Variants in NTM observed in about 807,000 individuals in gnomAD.
NTM encodes neurotrimin.
Under a neutral mutation model 42.1 loss-of-function variants are expected in NTM, and 13 were observed. That is an observed-to-expected ratio of 0.31 (90% CI 0.20 to 0.49). The LOEUF (loss-of-function observed/expected upper bound fraction) is 0.49, where lower values mean the gene tolerates loss of function less well. Among genes scored for constraint, NTM ranks in the 20% least tolerant of loss-of-function variants. The pLI, the probability that NTM is intolerant of heterozygous loss-of-function variation, is 0.99. For synonymous variants in NTM, 187 were observed against 179.2 expected, an observed-to-expected ratio of 1.04 and a Z score of -0.35; for missense variants, 373 against 452.8, an observed-to-expected ratio of 0.82 and a Z score of 1.60.
intron 1 of NTM, among the ~76,000 whole-genome samples, chr11:131,432,013 T>A (rs1948695127): frequency 6.6e-6 from 1 of 151,810 alleles, no homozygotes; most frequent in Non-Finnish European, 1.5e-5. Context: ...ATTTGATGAA[T>A]GAAAACAATA....
At chr11:132,310,860 A>G (rs574273892) in intron 6 of NTM, among the ~76,000 whole-genome samples, 1 of 152,208 alleles carries the variant, frequency 6.6e-6, no homozygotes, top group Non-Finnish European at 1.5e-5. Context: ...ATCAAATGAC[A>G]TATCAGTGCA....
At chr11:132,194,193 A>T (rs1592142324) in intron 3 of NTM, among the ~76,000 whole-genome samples, 1 of 152,304 alleles carries the variant, frequency 6.6e-6, no homozygotes, top group East Asian at 1.9e-4. Context: ...ATTATCCATG[A>T]TGAACATAGG....
At chr11:131,456,709 G>A (rs570711818) in intron 1 of NTM, among the ~76,000 whole-genome samples, 8 of 152,332 alleles carry the variant, frequency 5.3e-5, no homozygotes, top group African/African-American at 1.7e-4. Context: ...AGAAAATCCT[G>A]TCTACTCGTA....
intron 4 of NTM, among the ~76,000 whole-genome samples, chr11:132,304,803 T>A (rs1418986008): frequency 6.6e-6 from 1 of 152,198 alleles, no homozygotes; most frequent in African/African-American, 2.4e-5. Flanking sequence ...AGTGTACATG[T>A]AATAACTGGT....
At chr11:131,794,786 A>T in intron 1 of NTM, 1 of 985,434 alleles carries the variant, frequency 1.0e-6, no homozygotes, top group Non-Finnish European at 1.2e-6. Context: ...AAAAGCATTC[A>T]TGTACTTTGG....
chr11:131,409,234 G>A (rs566155614), intron 1 of NTM, among the ~76,000 whole-genome samples: 7 of 152,348 alleles, frequency 4.6e-5, no homozygotes, highest in Admixed American at 4.6e-4. Flanking sequence ...TCAAACACTT[G>A]TTTGAGAAGC....
chr11:131,955,469 T>G lies in NTM; in HGVS notation c.167+43821T>G, dbSNP rs1379803469. Reference sequence around the variant, plus strand: ...AGCGAGAAAATGATGCCTCTTCAAGTGTGTTTTTAAAAGAGTTTAAAATGT... The same window carrying G: ...AGCGAGAAAATGATGCCTCTTCAAGGGTGTTTTTAAAAGAGTTTAAAATGT... On this transcript the variant is annotated intron_variant, in intron 2 of 8. Coordinates refer to ENST00000683400, the MANE Select transcript of NTM (RefSeq NM_001352005.2). Among the ~76,000 whole-genome samples the G allele has an allele frequency of 2.6e-5, 4 of 152,104 alleles. No individual in the cohort carries two copies. In the East Asian group the frequency reaches 7.7e-4, roughly 29 times the overall value.
intron 2 of NTM, among the ~76,000 whole-genome samples, chr11:132,076,781 A>T (rs1032051237): frequency 1.2e-4 from 19 of 152,224 alleles, no homozygotes; most frequent in African/African-American, 4.6e-4. Context: ...ATAGGGCTAC[A>T]TTGAAGATCA....
chr11:131,866,613 G>T lies in NTM; in HGVS notation c.83-44951G>T, dbSNP rs79065452. ...ATCTATATGGACTAAAAATACCTGC[G>T]CCCTCCATGGCGCCCAAGACTGCTG... On this transcript the variant is annotated intron_variant, in intron 1 of 8. Transcript: ENST00000683400. 2.0e-4 allele frequency among the ~76,000 whole-genome samples: 30 copies of T among 152,316 alleles called. No homozygotes were observed. The East Asian group carries it at 5.6e-3, about 28-fold the overall frequency.
At chr11:131,606,447 C>T (rs1468264807) in intron 1 of NTM, among the ~76,000 whole-genome samples, 2 of 152,158 alleles carry the variant, frequency 1.3e-5, no homozygotes, top group Non-Finnish European at 2.9e-5. Context: ...TAAATAAGTG[C>T]ATTATTGATG....
intron 1 of NTM, among the ~76,000 whole-genome samples, chr11:131,429,709 G>T (rs1056152122): frequency 2.0e-5 from 3 of 152,118 alleles, no homozygotes; most frequent in Non-Finnish European, 4.4e-5. Flanking sequence ...AAATGGTAAA[G>T]AATGCATTTT....
intron 1 of NTM, among the ~76,000 whole-genome samples, chr11:131,451,944 CA>C (rs981161258): frequency 3.9e-5 from 6 of 152,148 alleles, no homozygotes; most frequent in African/African-American, 1.4e-4. Context: ...AGAGCCTGGC[CA>C]CCTCCAGTAG....
At chr11:131,785,172 C>A (rs2088917039) in intron 1 of NTM, among the ~76,000 whole-genome samples, 1 of 152,168 alleles carries the variant, frequency 6.6e-6, no homozygotes, top group Non-Finnish European at 1.5e-5. Flanking sequence ...ATCAGTCTTG[C>A]TGAAGCTGAC....
intron 1 of NTM, among the ~76,000 whole-genome samples, chr11:131,852,692 T>C (rs1592281089): frequency 2.0e-5 from 3 of 152,258 alleles, no homozygotes; most frequent in East Asian, 1.9e-4. Context: ...CTTTGAAGTA[T>C]ACCTAGGAAG....
intron 1 of NTM, among the ~76,000 whole-genome samples, chr11:131,704,198 C>T (rs1024190554): frequency 6.6e-6 from 1 of 152,208 alleles, no homozygotes; most frequent in Non-Finnish European, 1.5e-5. Flanking sequence ...GACCCAGTCT[C>T]CAGGCCCATA....
intron 2 of NTM, among the ~76,000 whole-genome samples, chr11:132,012,927 G>T (rs182036958): frequency 1.3e-5 from 2 of 152,220 alleles, no homozygotes; most frequent in Admixed American, 1.3e-4. Flanking sequence ...GAAGATTAGG[G>T]AATGTAGAGG....
chr11:132,060,574 G>A (rs975362403), intron 2 of NTM, among the ~76,000 whole-genome samples: 1 of 152,138 alleles, frequency 6.6e-6, no homozygotes, highest in East Asian at 1.9e-4. Context: ...GAAATATGGA[G>A]CCATGCAAAA....
intron 1 of NTM, among the ~76,000 whole-genome samples, chr11:131,698,595 T>A (rs898584512): frequency 6.6e-6 from 1 of 152,088 alleles, no homozygotes; most frequent in African/African-American, 2.4e-5. Context: ...GTCCTAAAGA[T>A]TTAGCTAATA....
At chr11:132,178,029 T>C (rs571650114) in intron 3 of NTM, among the ~76,000 whole-genome samples, 1 of 152,372 alleles carries the variant, frequency 6.6e-6, no homozygotes, top group South Asian at 2.1e-4. Flanking sequence ...TTCAGGAGTT[T>C]TGCTGAATCG....
Sources: gnomAD v4.1 joint callset for allele counts (sites outside exome capture counted in the v4.1 genomes callset) on GRCh38, gnomAD v4.1.1 for gene constraint, MANE v1.5 for transcripts, NCBI Gene and HGNC (gene_info 2026-07-23, HGNC 2026-07-21) for gene names.